LMBRD1: variants seen among roughly 807,000 people sequenced by gnomAD.
LMBRD1 encodes lysosomal cobalamin transport escort protein LMBD1.
A neutral mutation model predicts 74.8 loss-of-function variants in LMBRD1; 64 were observed. That is an observed-to-expected ratio of 0.86 (90% CI 0.70 to 1.05). LMBRD1 has a LOEUF of 1.05. Among genes scored for constraint, LMBRD1 ranks in the 50% least tolerant of loss-of-function variants. LMBRD1 has a pLI of 0.00. For synonymous variants in LMBRD1, 204 were observed against 216.3 expected (o/e 0.94, Z 0.50); for missense variants, 652 against 645.9 (o/e 1.01, Z -0.10).
At chr6:69,708,502 TTAAG>T (rs1402968204) in intron 9 of LMBRD1, among the ~76,000 whole-genome samples, 1 of 152,092 alleles carries the variant, frequency 6.6e-6, no homozygotes, top group Non-Finnish European at 1.5e-5. Context: ...TTCAAAAAGC[TTAAG>T]TAAGAAGTTA....
At chr6:69,770,450 G>C (rs947673223) in intron 3 of LMBRD1, among the ~76,000 whole-genome samples, 1 of 152,134 alleles carries the variant, frequency 6.6e-6, no homozygotes, top group Non-Finnish European at 1.5e-5. Context: ...GTTGTTTTCT[G>C]TTCAGTTTTG....
At position 69,697,785 on chromosome 6, in the gene LMBRD1, C is replaced by A. The variant is rs1766038605; in HGVS notation, c.1339-144G>T. On this transcript the variant is annotated intron_variant, in intron 13 of 15. Transcript: ENST00000649934. ...AAAATGTAAATTTTGTGCAACATTG[C>A]TCTTAGAAGAAAAATAATTATGGTA... is the stretch of plus-strand genomic sequence containing the variant. 6.9e-6 allele frequency: 4 copies of A among 580,416 alleles called. No individual in the cohort carries two copies. The Admixed American group carries it at 1.2e-4, about 17-fold the overall frequency. The allele number at this position is 580,416 out of a possible 1,614,324, so 36.0% of individuals were successfully genotyped here.
At position 69,720,968 on chromosome 6, in the gene LMBRD1, G is replaced by C. The variant is rs1484063491; in HGVS notation, c.637-1887C>G. On this transcript the variant is annotated intron_variant, in intron 7 of 15. Transcript: ENST00000649934. Reference sequence around the variant, plus strand: ...GTGGTGACTAAGGGGACTTTACACTGAACTCAGTGCTGTCCTATCACCGTT... The same window carrying C: ...GTGGTGACTAAGGGGACTTTACACTCAACTCAGTGCTGTCCTATCACCGTT... Among the ~76,000 whole-genome samples the C allele has an allele frequency of 2.6e-5, 4 of 152,182 alleles. No homozygotes were observed. In the East Asian group the frequency reaches 7.7e-4, roughly 29 times the overall value.
At chr6:69,688,001 T>G (rs180824524) in intron 14 of LMBRD1, among the ~76,000 whole-genome samples, 2 of 152,112 alleles carry the variant, frequency 1.3e-5, no homozygotes, top group Non-Finnish European at 2.9e-5. Flanking sequence ...TAGTCCATAT[T>G]CAAACCTGCT....
chr6:69,701,578 T>A, intron 10 of LMBRD1, 33 bp from the exon 11 acceptor site: 1 of 1,313,260 alleles, frequency 7.6e-7, no homozygotes, highest in Non-Finnish European at 1.1e-6. Context: ...AAATTTATGT[T>A]ATACTATCAA....
chr6:69,738,475 T>G lies in LMBRD1; in HGVS notation c.563-460A>C, dbSNP rs564071052. On this transcript the variant is annotated intron_variant, in intron 6 of 15. Transcript: ENST00000649934. Reference sequence around the variant, plus strand: ...TTGTTCTTAATTTTCAAATTGGTTCTTAATAGATAATCAAAAACTAAAATC... The same window carrying G: ...TTGTTCTTAATTTTCAAATTGGTTCGTAATAGATAATCAAAAACTAAAATC... Among the ~76,000 whole-genome samples the G allele has an allele frequency of 1.5e-4, 23 of 152,292 alleles. No individual in the cohort carries two copies. In the South Asian group the frequency reaches 1.7e-3, roughly 11 times the overall value.
At chr6:69,784,083 T>A (rs879579274) in intron 2 of LMBRD1, among the ~76,000 whole-genome samples, 1 of 152,228 alleles carries the variant, frequency 6.6e-6, no homozygotes, top group Non-Finnish European at 1.5e-5. Context: ...GCCTCCAAGA[T>A]ACTTGATGTA....
chr6:69,732,323 C>A (rs1416000435), intron 7 of LMBRD1, among the ~76,000 whole-genome samples: 1 of 152,090 alleles, frequency 6.6e-6, no homozygotes, highest in Non-Finnish European at 1.5e-5. Flanking sequence ...AGAAGGGTCA[C>A]AATAGAGCTT....
At chr6:69,776,977 T>C (rs1162052382) in intron 3 of LMBRD1, among the ~76,000 whole-genome samples, 1 of 151,630 alleles carries the variant, frequency 6.6e-6, no homozygotes, top group African/African-American at 2.4e-5. Context: ...CAAAACCCCA[T>C]CTCTACTAAA....
intron 6 of LMBRD1, among the ~76,000 whole-genome samples, chr6:69,740,313 T>G (rs1256939724): frequency 6.6e-6 from 1 of 151,916 alleles, no homozygotes; most frequent in Non-Finnish European, 1.5e-5. Context: ...AAATAAAGAC[T>G]AAAGAGAATG....
At chr6:69,718,537 G>T (rs745804188) in intron 8 of LMBRD1, among the ~76,000 whole-genome samples, 1 of 152,182 alleles carries the variant, frequency 6.6e-6, no homozygotes, top group Non-Finnish European at 1.5e-5. Context: ...AGGTTTGATT[G>T]ACTCACAGTT....
At chr6:69,684,566 TACTTTTCAGATATATAAGC>T (rs1329274494) in intron 14 of LMBRD1, among the ~76,000 whole-genome samples, 1 of 152,152 alleles carries the variant, frequency 6.6e-6, no homozygotes, top group Non-Finnish European at 1.5e-5. Context: ...GAGGACAGAA[TACTTTTCAGATATATAAGC>T]ACTTTTCAGA....
intron 14 of LMBRD1, among the ~76,000 whole-genome samples, chr6:69,696,231 C>T (rs1423837014): frequency 6.6e-6 from 1 of 152,168 alleles, no homozygotes; most frequent in Non-Finnish European, 1.5e-5. Context: ...TTTCAATTTA[C>T]TTCTTAAATT....
intron 14 of LMBRD1, among the ~76,000 whole-genome samples, chr6:69,692,902 CA>C (rs1202599032): frequency 1.3e-5 from 2 of 152,060 alleles, no homozygotes; most frequent in Non-Finnish European, 2.9e-5. Flanking sequence ...TTCTCTTTCC[CA>C]AAATCAAACC....
chr6:69,752,292 TTCA>T lies in LMBRD1; in HGVS notation c.369_371del (p.Tyr123_Glu124delinsTer). 6.2e-7 allele frequency: 1 copy of T among 1,610,594 alleles called. No individual in the cohort carries two copies. The highest frequency in any genetic ancestry group is 8.5e-7 in the Non-Finnish European group (1 of 1,177,288). On this transcript the variant is annotated stop_gained and inframe_deletion, in exon 4 of 16. Transcript: ENST00000649934. LOFTEE classifies it high-confidence loss of function. The stretch of plus-strand genomic sequence containing the variant: ...TACTAGTATCATCATCATCCTTTTC[TTCA>T]TAATAGAAGTAGACAAAAGGGATCC...
rs61054932 is a variant in LMBRD1, at chr6:69,704,907, G to GTT, written c.916-2956_916-2955dup. On this transcript the variant is annotated intron_variant, in intron 9 of 15. Transcript: ENST00000649934. ...CTAGCTTTTTTGGGATTGGACATTT[G>GTT]TTTTTTTTTTTTCCACTTTTACTGG... Among the ~76,000 whole-genome samples, 361 of 137,300 alleles carry GTT rather than the reference G, an allele frequency of 2.6e-3. 7 individuals carry two copies. The highest frequency in any genetic ancestry group is 7.7e-3 in the African/African-American group (280 of 36,498). The allele number at this position is 137,300 out of a possible 152,430, so 90.1% of individuals were successfully genotyped here.
intron 14 of LMBRD1, among the ~76,000 whole-genome samples, chr6:69,695,889 G>T (rs1247010807): frequency 6.7e-6 from 1 of 150,128 alleles, no homozygotes; most frequent in East Asian, 2.0e-4. Flanking sequence ...TGTCGCCTGG[G>T]TCAGAGTGCA....
chr6:69,716,697 A>T (rs114648085), intron 8 of LMBRD1, among the ~76,000 whole-genome samples: 2,458 of 152,054 alleles, frequency 0.016, 52 homozygotes, highest in African/African-American at 0.055. Context: ...ACAAGATGGT[A>T]TCTAGATTTA....
chr6:69,739,282 A>C (rs1042747888), intron 6 of LMBRD1, among the ~76,000 whole-genome samples: 10 of 152,210 alleles, frequency 6.6e-5, no homozygotes, highest in Non-Finnish European at 1.5e-5. Context: ...AAATCATCTG[A>C]ACCAAATAAC....
Sources: allele counts gnomAD v4.1 joint callset (sites outside exome capture counted in the v4.1 genomes callset), GRCh38; gene constraint gnomAD v4.1.1; transcripts MANE v1.5; gene names NCBI Gene and HGNC (gene_info 2026-07-23, HGNC 2026-07-21).